PCDHA5: variants seen among roughly 807,000 people sequenced by gnomAD.
PCDHA5 encodes the protein protocadherin alpha-5.
In PCDHA5, 43 loss-of-function variants were observed where a neutral mutation model predicts 61.6. The ratio of observed to expected loss-of-function variants is 0.70; its 90% CI spans 0.55 to 0.90. The LOEUF is 0.90. Among genes scored for constraint, PCDHA5 ranks in the 40% least tolerant of loss-of-function variants. The probability of loss-of-function intolerance (pLI) is 0.00; values close to 1 mark genes in which losing one functional copy is unlikely to be tolerated. For missense variants in PCDHA5, 1,298 were observed against 1,222.7 expected, an observed-to-expected ratio of 1.06 and a Z score of -0.92; for synonymous variants, 627 against 543.9, an observed-to-expected ratio of 1.15 and a Z score of -2.13.
chr5:140,993,460 TCTCACACACA>T (rs1210103837), intron 3 of PCDHA5, among the ~76,000 whole-genome samples: 11 of 104,506 alleles, frequency 1.1e-4, no homozygotes, highest in Admixed American at 1.2e-4. Flanking sequence ...CTTCTTTCTT[TCTCACACACA>T]CACACACACA....
At chr5:140,871,131 G>A (rs781968741) in intron 1 of PCDHA5, 2 of 1,613,386 alleles carry the variant, frequency 1.2e-6, no homozygotes, top group South Asian at 2.2e-5. Flanking sequence ...AGGCGCCAAA[G>A]GCCTCTTCCC....
intron 1 of PCDHA5, chr5:140,857,218 T>G: frequency 6.3e-7 from 1 of 1,598,468 alleles, no homozygotes. Context: ...CTCTGACGCC[T>G]CACGTTCCGT....
chr5:140,947,194 G>A (rs2094102779), intron 1 of PCDHA5, among the ~76,000 whole-genome samples: 1 of 151,018 alleles, frequency 6.6e-6, no homozygotes, highest in Admixed American at 6.6e-5. Context: ...ATACTACACA[G>A]CCTTAAAAAA....
rs143772295 is a variant in PCDHA5 at position 140,836,248 on chromosome 5, T to C, written c.2352+12121T>C. On this transcript the variant is annotated intron_variant, in intron 1 of 3. Coordinates refer to ENST00000529859, the MANE Select transcript of PCDHA5 (RefSeq NM_018908.3). Reference sequence around the variant, plus strand: ...GTGGCGGCCGGTGCGAGCATCCCGTTCCGCGTGGGGCTGTACACTGGTGAG... The same window carrying C: ...GTGGCGGCCGGTGCGAGCATCCCGTCCCGCGTGGGGCTGTACACTGGTGAG... 1,441 of 1,613,590 alleles carry C rather than the reference T, an allele frequency of 8.9e-4. 19 individuals are homozygous for C. The highest frequency in any genetic ancestry group is 1.2e-3 in the Non-Finnish European group (1,359 of 1,179,786).
Position 140,888,304 on chromosome 5 carries a change from T to C in PCDHA5, c.2352+64177T>C, listed in dbSNP as rs560267265. Among the ~76,000 whole-genome samples the C allele has an allele frequency of 9.2e-5, 14 of 152,272 alleles. No homozygotes were observed. The South Asian group carries it at 2.7e-3, about 29-fold the overall frequency. On this transcript the variant is annotated intron_variant, in intron 1 of 3. Transcript: ENST00000529859. The stretch of plus-strand genomic sequence containing the variant: ...CCTCTACCCCCTACCCAGGAGATAA[T>C]TTGGCAATGCCTGGATACATTTTTG...
chr5:140,828,276 G>T lies in PCDHA5; in HGVS notation c.2352+4149G>T, dbSNP rs2150153517. 9 of 1,613,972 alleles carry T rather than the reference G, an allele frequency of 5.6e-6. No individual in the cohort carries two copies. In the East Asian group the frequency reaches 6.7e-5, roughly 12 times the overall value. ...CTGGAGCTGGCGGAGCTGGTGCCGCGCCTGTTCAGGATGGCCTCCAAAGAC... is the reference window on the plus strand; with the variant it reads ...CTGGAGCTGGCGGAGCTGGTGCCGCTCCTGTTCAGGATGGCCTCCAAAGAC... On this transcript the variant is annotated intron_variant, in intron 1 of 3. Coordinates refer to ENST00000529859, the MANE Select transcript of PCDHA5 (RefSeq NM_018908.3).
intron 1 of PCDHA5, chr5:140,857,404 T>C: frequency 1.3e-6 from 2 of 1,597,962 alleles, no homozygotes; most frequent in Non-Finnish European, 1.7e-6. Flanking sequence ...ACAACGCGCC[T>C]GCGTTCGCGC....
chr5:140,828,913 T>A, intron 1 of PCDHA5: 1 of 1,614,238 alleles, frequency 6.2e-7, no homozygotes, highest in East Asian at 2.2e-5. Context: ...AAGGAGCGAA[T>A]GGGGCAATTT....
intron 1 of PCDHA5, among the ~76,000 whole-genome samples, chr5:140,959,938 G>T (rs937975013): frequency 6.6e-6 from 1 of 152,130 alleles, no homozygotes; most frequent in Non-Finnish European, 1.5e-5. Flanking sequence ...CATTACTTAG[G>T]CAGAATATCA....
chr5:140,870,589 C>A (rs1445004841), intron 1 of PCDHA5: 30 of 1,613,510 alleles, frequency 1.9e-5, no homozygotes, highest in Non-Finnish European at 2.5e-5. Context: ...GCTGGTGGAG[C>A]GGCGGTTGGG....
chr5:140,953,293 G>A (rs1410676265), intron 1 of PCDHA5, among the ~76,000 whole-genome samples: 3 of 152,084 alleles, frequency 2.0e-5, no homozygotes, highest in Admixed American at 2.0e-4. Context: ...GTGATTCAGG[G>A]ACGGCAGAGA....
At chr5:140,906,017 C>G (rs1172988114) in intron 1 of PCDHA5, among the ~76,000 whole-genome samples, 2 of 152,188 alleles carry the variant, frequency 1.3e-5, no homozygotes, top group African/African-American at 2.4e-5. Flanking sequence ...AGTCTAATCT[C>G]TCCACGTTCT....
chr5:140,853,603 G>A (rs1358386755), intron 1 of PCDHA5: 2 of 987,254 alleles, frequency 2.0e-6, no homozygotes, highest in South Asian at 4.7e-5. Flanking sequence ...GAGAGCAAAG[G>A]GGGTGCTGTA....
At chr5:140,952,970 T>C (rs2094826762) in intron 1 of PCDHA5, among the ~76,000 whole-genome samples, 1 of 152,000 alleles carries the variant, frequency 6.6e-6, no homozygotes, top group Non-Finnish European at 1.5e-5. Context: ...TACACACTTT[T>C]AAACAACAAG....
At chr5:140,861,184 A>G in intron 1 of PCDHA5, 1 of 160,152 alleles carries the variant, frequency 6.2e-6, no homozygotes, top group Non-Finnish European at 1.4e-5. Context: ...AAGTCTTTCT[A>G]GTCATGAAAT....
rs781944777 is a variant in PCDHA5, at chr5:140,978,930, T to A, written c.2353-19T>A. ...TTGTCTTGTCATTTTAACAGAAAAC[T>A]CTCTTTGTGATTTTGCAGCCACGAC... On this transcript the variant is annotated intron_variant, in intron 1 of 3. Transcript: ENST00000529859. The A allele has an allele frequency of 1.2e-6, 2 of 1,614,088 alleles. No homozygotes were observed. The highest frequency in any genetic ancestry group is 8.5e-7 in the Non-Finnish European group (1 of 1,180,010).
chr5:140,941,841 A>G (rs1483251367), intron 1 of PCDHA5, among the ~76,000 whole-genome samples: 1 of 152,180 alleles, frequency 6.6e-6, no homozygotes, highest in Non-Finnish European at 1.5e-5. Flanking sequence ...TTAGGCTGCC[A>G]TTACCTGATA....
At chr5:140,911,066 A>C (rs1166409987) in intron 1 of PCDHA5, among the ~76,000 whole-genome samples, 1 of 152,042 alleles carries the variant, frequency 6.6e-6, no homozygotes, top group Non-Finnish European at 1.5e-5. Flanking sequence ...GTGGGTCCTG[A>C]GGAGAATCAA....
At chr5:140,966,997 G>A in intron 1 of PCDHA5, 3 of 1,604,812 alleles carry the variant, frequency 1.9e-6, no homozygotes, top group Non-Finnish European at 2.5e-6. Flanking sequence ...CGGGTTGCTT[G>A]CGCATCAACC....
Sources: gnomAD v4.1 joint callset for allele counts (sites outside exome capture counted in the v4.1 genomes callset) on GRCh38, gnomAD v4.1.1 for gene constraint, MANE v1.5 for transcripts, NCBI Gene and HGNC (gene_info 2026-07-23, HGNC 2026-07-21) for gene names.